Variants in FER1L6 observed in about 807,000 individuals in gnomAD.
FER1L6 encodes fer-1 like family member 6, also known as fer-1-like protein 6.
Under a neutral mutation model 219.2 loss-of-function variants are expected in FER1L6, and 177 were observed. The ratio of observed to expected loss-of-function variants is 0.81; its 90% CI spans 0.71 to 0.91. The LOEUF (loss-of-function observed/expected upper bound fraction) is 0.91, where lower values mean the gene tolerates loss of function less well. Ranked by LOEUF, FER1L6 falls within the 40% of genes least tolerant of loss-of-function variation. The pLI, the probability that FER1L6 is intolerant of heterozygous loss-of-function variation, is 0.00. For missense variants in FER1L6, 2,153 were observed against 2,259.9 expected, an observed-to-expected ratio of 0.95 and a Z score of 0.96; for synonymous variants, 768 against 824.3, an observed-to-expected ratio of 0.93 and a Z score of 1.17.
At chr8:123,946,038 GAGGTCACTGGGCCT>G (rs1176086395) in intron 1 of FER1L6, among the ~76,000 whole-genome samples, 1 of 152,160 alleles carries the variant, frequency 6.6e-6, no homozygotes, top group Admixed American at 6.5e-5. Context: ...TCTGTTATCA[GAGGTCACTGGGCCT>G]AGGTTTAGAG....
intron 5 of FER1L6, among the ~76,000 whole-genome samples, chr8:123,967,904 C>T (rs370751101): frequency 4.2e-4 from 64 of 151,542 alleles, no homozygotes; most frequent in African/African-American, 1.5e-3. Context: ...TGCAGTGAGC[C>T]GAGATTTCGC....
chr8:123,856,366 T>C (rs1816650772), intron 1 of FER1L6, among the ~76,000 whole-genome samples: 1 of 120,734 alleles, frequency 8.3e-6, no homozygotes, highest in Non-Finnish European at 1.7e-5. Flanking sequence ...CCAGGCCTCA[T>C]ACTAACATAT....
intron 20 of FER1L6, chr8:124,040,380 C>T: frequency 4.2e-6 from 1 of 236,756 alleles, no homozygotes; most frequent in Non-Finnish European, 8.4e-6. Context: ...ATGAAGGGGT[C>T]TCAGTGGGGA....
At chr8:123,855,567 C>T (rs1160628796) in intron 1 of FER1L6, among the ~76,000 whole-genome samples, 2 of 151,838 alleles carry the variant, frequency 1.3e-5, no homozygotes, top group African/African-American at 2.4e-5. Flanking sequence ...CTGACTCTGC[C>T]ATGGACCAAA....
chr8:123,904,286 CCACTCCCAGG>C (rs1475594414), intron 1 of FER1L6, among the ~76,000 whole-genome samples: 4 of 126,650 alleles, frequency 3.2e-5, no homozygotes, highest in African/African-American at 1.2e-4. Flanking sequence ...GGGCTAAGCA[CCACTCCCAGG>C]CAGGTCTCTT....
intron 7 of FER1L6, 102 bp from the exon 8 acceptor site, chr8:123,975,048 C>G: frequency 9.2e-7 from 1 of 1,081,338 alleles, no homozygotes; most frequent in Non-Finnish European, 1.3e-6. Flanking sequence ...CCTAGAGCAA[C>G]AGAGGGAGGA....
chr8:123,928,220 T>C (rs533845852), intron 1 of FER1L6, among the ~76,000 whole-genome samples: 100 of 152,344 alleles, frequency 6.6e-4, no homozygotes, highest in African/African-American at 2.1e-3. Context: ...AATATTACTG[T>C]AGCCTGATGG....
chr8:123,893,364 G>T lies in FER1L6; in HGVS notation c.-8+41179G>T, dbSNP rs185878873. Among the ~76,000 whole-genome samples the T allele has an allele frequency of 2.9e-4, 44 of 152,298 alleles. 1 individual carries two copies. Among genetic ancestry groups the T allele is most frequent in the African/African-American group, 1.0e-3 (42 of 41,582 alleles). Reference sequence around the variant, plus strand: ...ATATGAAGCAGAACAGGAGTTGATTGCATGGACTGAACTAATGGAGGACAG... The same window carrying T: ...ATATGAAGCAGAACAGGAGTTGATTTCATGGACTGAACTAATGGAGGACAG... On this transcript the variant is annotated intron_variant, in intron 1 of 40. Coordinates refer to ENST00000522917, the MANE Select transcript of FER1L6 (RefSeq NM_001039112.2).
chr8:124,071,356 T>C (rs1290510652), intron 30 of FER1L6, 150 bp from the exon 31 acceptor site: 1 of 847,572 alleles, frequency 1.2e-6, no homozygotes, highest in East Asian at 2.5e-5. Flanking sequence ...CTACATAAAT[T>C]GCCCAAGGAC....
At chr8:124,107,748 G>GT (rs1322634309) in intron 39 of FER1L6, among the ~76,000 whole-genome samples, 4 of 152,162 alleles carry the variant, frequency 2.6e-5, no homozygotes, top group Non-Finnish European at 4.4e-5. Flanking sequence ...TCAATGCAGA[G>GT]TTTTTCTGCT....
At chr8:123,865,858 C>G (rs1412097648) in intron 1 of FER1L6, among the ~76,000 whole-genome samples, 1 of 151,080 alleles carries the variant, frequency 6.6e-6, no homozygotes, top group Non-Finnish European at 1.5e-5. Flanking sequence ...GTGCGCGCAC[C>G]CACTGGCCTG....
intron 1 of FER1L6, among the ~76,000 whole-genome samples, chr8:123,890,166 C>T (rs1812615978): frequency 6.6e-6 from 1 of 152,068 alleles, no homozygotes; most frequent in Admixed American, 6.6e-5. Context: ...TCCATTTACT[C>T]TTCTGCATAG....
At chr8:123,872,502 G>A (rs565905792) in intron 1 of FER1L6, among the ~76,000 whole-genome samples, 16 of 152,224 alleles carry the variant, frequency 1.1e-4, no homozygotes, top group South Asian at 6.2e-4. Context: ...ATGCTGGAGC[G>A]GAAGTAATAC....
chr8:124,065,037 A>T (rs1385274362), intron 26 of FER1L6, among the ~76,000 whole-genome samples: 1 of 152,174 alleles, frequency 6.6e-6, no homozygotes, highest in Non-Finnish European at 1.5e-5. Context: ...ATCTTTCTAA[A>T]TTATATATTT....
chr8:124,042,213 C>T (rs569599690), intron 20 of FER1L6, among the ~76,000 whole-genome samples: 1 of 152,300 alleles, frequency 6.6e-6, no homozygotes, highest in South Asian at 2.1e-4. Context: ...TGATTTACAT[C>T]CATATCTCAA....
intron 1 of FER1L6, among the ~76,000 whole-genome samples, chr8:123,879,024 A>G (rs13280610): frequency 0.24 from 36,718 of 152,122 alleles, 4,819 homozygotes; most frequent in East Asian, 0.48. Context: ...TTTCCCTTTG[A>G]TGTAACCGCA....
intron 1 of FER1L6, among the ~76,000 whole-genome samples, chr8:123,914,554 C>T (rs527986744): frequency 6.6e-6 from 1 of 152,172 alleles, no homozygotes; most frequent in Non-Finnish European, 1.5e-5. Context: ...CACAAATAGC[C>T]TCACCCACTC....
At chr8:124,017,594 A>G (rs1431210354) in intron 15 of FER1L6, 34 bp from the exon 16 acceptor site, 1 of 1,476,242 alleles carries the variant, frequency 6.8e-7, no homozygotes, top group Non-Finnish European at 9.5e-7. Flanking sequence ...ATTTTCACTA[A>G]GTAGGTTTCA....
intron 12 of FER1L6, among the ~76,000 whole-genome samples, chr8:123,993,249 C>T (rs962949152): frequency 2.0e-5 from 3 of 151,424 alleles, no homozygotes; most frequent in African/African-American, 4.9e-5. Flanking sequence ...GAGACCATCC[C>T]GGCTAAAACG....
Sources: allele counts gnomAD v4.1 joint callset (sites outside exome capture counted in the v4.1 genomes callset), GRCh38; gene constraint gnomAD v4.1.1; transcripts MANE v1.5; gene names NCBI Gene and HGNC (gene_info 2026-07-23, HGNC 2026-07-21).